Variants in BZW1 observed in about 807,000 individuals in gnomAD.
BZW1 encodes the protein basic leucine zipper and W2 domains 1, also known as eIF5-mimic protein 2.
BZW1 carries 3 observed loss-of-function variants against 54.1 expected under a neutral mutation model. That is an observed-to-expected ratio of 0.06 (90% CI 0.03 to 0.14). The LOEUF is 0.14. Among genes scored for constraint, BZW1 ranks in the 10% least tolerant of loss-of-function variants. The probability of loss-of-function intolerance (pLI) is 1.00; values close to 1 mark genes in which losing one functional copy is unlikely to be tolerated. For missense variants in BZW1, 206 were observed against 491.7 expected (o/e 0.42, Z 5.50); for synonymous variants, 152 against 162.7 (o/e 0.93, Z 0.50).
At chr2:200,812,822 A>G in intron 1 of BZW1, 1 of 674,182 alleles carries the variant, frequency 1.5e-6, no homozygotes. Context: ...CACATTTTGG[A>G]TGCCTGCTGA....
rs1421682820 is a variant in BZW1, at chr2:200,826,426, T to TGATAGATAGATAGATAGA, written c.*4248_*4249insGATAGATAGATAGATAGA. The TGATAGATAGATAGATAGA allele has an allele frequency of 4.7e-5, 6 of 127,762 alleles. No homozygotes were observed. Among genetic ancestry groups the TGATAGATAGATAGATAGA allele is most frequent in the African/African-American group, 1.2e-4 (4 of 33,442 alleles). The allele number at this position is 127,762 out of a possible 1,614,324, so 7.9% of individuals were successfully genotyped here. A position where few individuals can be genotyped will look rare whatever the true frequency, so the allele number is the denominator to read the frequency against. ...ATAGATATTTTTTTTTTTTTTTTTT[T>TGATAGATAGATAGATAGA]TTTTTTTTTTTTTTTTGAGACAGAG... On this transcript the variant is annotated 3_prime_UTR_variant, in exon 12 of 12. Transcript: ENST00000409600.
intron 5 of BZW1, among the ~76,000 whole-genome samples, chr2:200,816,628 A>T (rs1336375604): frequency 6.6e-6 from 1 of 152,058 alleles, no homozygotes; most frequent in Non-Finnish European, 1.5e-5. Flanking sequence ...AGTAGCTGGG[A>T]TTACAGGCAT....
At position 200,819,892 on chromosome 2, in the gene BZW1, T is replaced by G. The variant is rs1396832516; in HGVS notation, c.967-90T>G. ...GTTTGCAGTGATTATAAAAGATGAG[T>G]TAAGTTCTATATTGTCTGTATTGTA... On this transcript the variant is annotated intron_variant, in intron 9 of 11. Transcript: ENST00000409600. The G allele has an allele frequency of 2.0e-5, 23 of 1,161,120 alleles. 1 individual carries two copies. Among genetic ancestry groups the G allele is most frequent in the Non-Finnish European group, 2.6e-5 (23 of 881,694 alleles). The allele number at this position is 1,161,120 out of a possible 1,614,324, so 71.9% of individuals were successfully genotyped here. A position where few individuals can be genotyped will look rare whatever the true frequency, so the allele number is the denominator to read the frequency against.
At chr2:200,817,450 G>T (rs2038336037) in intron 6 of BZW1, among the ~76,000 whole-genome samples, 1 of 152,170 alleles carries the variant, frequency 6.6e-6, no homozygotes, top group Non-Finnish European at 1.5e-5. Context: ...CAGATACCCA[G>T]ATTTAGACAA....
At position 200,818,775 on chromosome 2, in the gene BZW1, G is replaced by A. The variant is rs771335930; in HGVS notation, c.840G>A (p.Glu280=). 6.3e-7 allele frequency: 1 copy of A among 1,585,922 alleles called. No homozygotes were observed. Among genetic ancestry groups the A allele is most frequent in the African/African-American group, 1.4e-5 (1 of 72,856 alleles). ...PFKDIILYVK[E]EMKKNNIPEP... ...TGCAGATAATTTTATATGTCAAGGA[G>A]GAGATGAAAAAAAACAACATCCCAG... The change falls in exon 9 of 12, where the codon GAG becomes GAA. Residue 280 remains glutamate, a synonymous_variant. Coordinates refer to ENST00000409600, the MANE Select transcript of BZW1 (RefSeq NM_001207067.2).
At chr2:200,813,162 T>C (rs746477165) in intron 1 of BZW1, 46 bp from the exon 2 acceptor site, 7 of 1,497,674 alleles carry the variant, frequency 4.7e-6, no homozygotes, top group Non-Finnish European at 6.5e-6. Context: ...GCTTTAAAAA[T>C]TAGTATTATG....
intron 10 of BZW1, 34 bp downstream of exon 10, chr2:200,820,154 T>C: frequency 2.0e-6 from 3 of 1,487,650 alleles, no homozygotes; most frequent in South Asian, 2.6e-5. Flanking sequence ...AAATAACACT[T>C]AATAAAAACC....
chr2:200,821,000 C>T (rs2038487647), intron 10 of BZW1, among the ~76,000 whole-genome samples, 183 bp from the exon 11 acceptor site: 1 of 152,214 alleles, frequency 6.6e-6, no homozygotes, highest in Non-Finnish European at 1.5e-5. Flanking sequence ...ACTAATCAGA[C>T]CAGTCTTGAT....
chr2:200,814,650 G>T (rs2038220640), intron 2 of BZW1, among the ~76,000 whole-genome samples: 1 of 152,140 alleles, frequency 6.6e-6, no homozygotes. Flanking sequence ...TACAGTAGGG[G>T]AATTCTGGCA....
intron 11 of BZW1, 149 bp from the exon 12 acceptor site, chr2:200,821,998 G>C (rs2038539158): frequency 3.0e-6 from 2 of 663,250 alleles, no homozygotes. Context: ...GAACCCGGGA[G>C]GCAGAGGTTG....
chr2:200,817,307 G>C (rs1469544418), intron 6 of BZW1, 66 bp downstream of exon 6: 17 of 1,540,506 alleles, frequency 1.1e-5, no homozygotes, highest in Non-Finnish European at 1.5e-5. Flanking sequence ...ATGGTTTACT[G>C]TTCATAGATG....
At position 200,823,615 on chromosome 2, in the gene BZW1, A is replaced by G. The variant is rs534445347; in HGVS notation, c.*1437A>G. 4 of 152,760 alleles carry G rather than the reference A, an allele frequency of 2.6e-5. No homozygotes were observed. The highest frequency in any genetic ancestry group is 7.2e-5 in the African/African-American group (3 of 41,570). The allele number at this position is 152,760 out of a possible 1,614,324, so 9.5% of individuals were successfully genotyped here. On this transcript the variant is annotated 3_prime_UTR_variant, in exon 12 of 12. Coordinates refer to ENST00000409600, the MANE Select transcript of BZW1 (RefSeq NM_001207067.2). ...TAAAAGTTCATTTTGAGGGAATAAC[A>G]TGTAATATAATTTGAAATAAAGGTA... is the stretch of plus-strand genomic sequence containing the variant.
rs1559318464 is a variant in BZW1, at chr2:200,826,422, T to TGATAGATAGATAGATAGA, written c.*4244_*4245insGATAGATAGATAGATAGA. On this transcript the variant is annotated 3_prime_UTR_variant, in exon 12 of 12. Transcript: ENST00000409600. ...ATAGATAGATATTTTTTTTTTTTTT[T>TGATAGATAGATAGATAGA]TTTTTTTTTTTTTTTTTTTTGAGAC... 12 of 99,784 alleles carry TGATAGATAGATAGATAGA rather than the reference T, an allele frequency of 1.2e-4. 1 individual carries two copies. Among genetic ancestry groups the TGATAGATAGATAGATAGA allele is most frequent in the Non-Finnish European group, 2.0e-4 (9 of 44,498 alleles). 6.2% of individuals were successfully genotyped at this position (99,784 alleles called of 1,614,324 possible).
Position 200,822,136 on chromosome 2 carries a change from C to A in BZW1, c.1229-11C>A, listed in dbSNP as rs372579707. 1.7e-5 allele frequency: 28 copies of A among 1,602,990 alleles called. No individual in the cohort carries two copies. In the African/African-American group the frequency reaches 2.5e-4, roughly 15 times the overall value. Reference sequence around the variant, plus strand: ...TACATAATGTTTGACTGTTTTTTTCCCCTTTTCTAGAATCTGAATCTGAAG... The same window carrying A: ...TACATAATGTTTGACTGTTTTTTTCACCTTTTCTAGAATCTGAATCTGAAG... On this transcript the variant is annotated splice_polypyrimidine_tract_variant and intron_variant, in intron 11 of 11. Transcript: ENST00000409600.
At chr2:200,816,477 G>A in intron 5 of BZW1, 87 bp downstream of exon 5, 1 of 1,029,108 alleles carries the variant, frequency 9.7e-7, no homozygotes, top group South Asian at 2.0e-5. Context: ...CAGATTTGGA[G>A]TAATTTTGCT....
At chr2:200,822,021 A>G (rs547569382) in intron 11 of BZW1, 126 bp from the exon 12 acceptor site, 7 of 828,732 alleles carry the variant, frequency 8.4e-6, no homozygotes, top group South Asian at 4.6e-5. Flanking sequence ...GTGAGCCAAG[A>G]GGGTGCTGCT....
Position 200,824,448 on chromosome 2 carries a change from GT to G in BZW1, c.*2273del, listed in dbSNP as rs1326888825. The G allele has an allele frequency of 6.6e-6, 1 of 151,544 alleles. No homozygotes were observed. The highest frequency in any genetic ancestry group is 6.6e-5 in the Admixed American group (1 of 15,214). 9.4% of individuals were successfully genotyped at this position (151,544 alleles called of 1,614,324 possible). A position where few individuals can be genotyped will look rare whatever the true frequency, so the allele number is the denominator to read the frequency against. ...AATGAGTTTTTAGAGCTGGTTGTAA[GT>G]TTCTTAGCCTTACTCTGTGAGTTAT... On this transcript the variant is annotated 3_prime_UTR_variant, in exon 12 of 12. Transcript: ENST00000409600.
rs775340785 is a variant in BZW1, at chr2:200,818,399, T to G, written c.819+6T>G. On this transcript the variant is annotated splice_donor_region_variant and intron_variant, in intron 8 of 11. Transcript: ENST00000409600. ...GTGGTGATCCATTTAAGGATGTAAGTTTTTGTTTAAACCGTCTTTTTATGG... is the reference window on the plus strand; with the variant it reads ...GTGGTGATCCATTTAAGGATGTAAGGTTTTGTTTAAACCGTCTTTTTATGG... 4.4e-6 allele frequency: 7 copies of G among 1,596,288 alleles called. No individual in the cohort carries two copies. Among genetic ancestry groups the G allele is most frequent in the Middle Eastern group, 3.3e-4 (2 of 6,054 alleles).
intron 5 of BZW1, 35 bp from the exon 6 acceptor site, chr2:200,817,071 G>A (rs756105180): frequency 1.2e-5 from 19 of 1,604,668 alleles, no homozygotes; most frequent in Non-Finnish European, 1.6e-5. Context: ...TAATGCAGTT[G>A]CTGTTTTAAC....
Sources: gnomAD v4.1 joint callset for allele counts (sites outside exome capture counted in the v4.1 genomes callset) on GRCh38, gnomAD v4.1.1 for gene constraint, MANE v1.5 for transcripts, NCBI Gene and HGNC (gene_info 2026-07-23, HGNC 2026-07-21) for gene names.